Variants in ZNG1A observed in about 807,000 individuals in gnomAD.
The protein encoded by ZNG1A is Zn regulated GTPase metalloprotein activator 1A.
At chr9:168,730 T>C in the ZNG1A span, among the ~76,000 whole-genome samples, 1 of 146,690 alleles carries the variant, frequency 6.8e-6, no homozygotes, top group South Asian at 2.2e-4. Flanking sequence ...TCATTTACTA[T>C]CCTAAAAATT....
the ZNG1A span, among the ~76,000 whole-genome samples, chr9:145,835 A>C: frequency 6.6e-6 from 1 of 151,956 alleles, no homozygotes; most frequent in Non-Finnish European, 1.5e-5. Context: ...AAAGAGTATT[A>C]GACATAGTGT....
the ZNG1A span, among the ~76,000 whole-genome samples, chr9:145,519 A>G: frequency 1.7e-3 from 214 of 126,598 alleles, 7 homozygotes; most frequent in East Asian, 0.05. Context: ...GGACACAGGA[A>G]GGGGAACATC....
chr9:173,520 T>C, the ZNG1A span: 1 of 1,479,712 alleles, frequency 6.8e-7, no homozygotes, highest in Non-Finnish European at 9.1e-7. Flanking sequence ...GATATCTAAA[T>C]TACAGTACAC....
chr9:166,688 C>T, the ZNG1A span: 42 of 152,590 alleles, frequency 2.8e-4, no homozygotes, highest in African/African-American at 9.4e-4. Flanking sequence ...GATGAAAATG[C>T]GTTTGTAGCG....
At chr9:168,384 C>G in the ZNG1A span, among the ~76,000 whole-genome samples, 4,842 of 151,878 alleles carry the variant, frequency 0.032, 237 homozygotes, top group African/African-American at 0.11. Context: ...TCCCAAGTAA[C>G]TGGGATTACA....
At chr9:136,076 G>C in the ZNG1A span, among the ~76,000 whole-genome samples, 1 of 76,060 alleles carries the variant, frequency 1.3e-5, no homozygotes, top group African/African-American at 3.8e-5. Flanking sequence ...GTTGGACAAT[G>C]ACTGCCTAGA....
chr9:149,801 T>TA, the ZNG1A span, among the ~76,000 whole-genome samples: 9 of 149,904 alleles, frequency 6.0e-5, no homozygotes, highest in South Asian at 1.9e-3. Context: ...CTTACATTTC[T>TA]AAAAATTAAG....
At chr9:145,925 A>G in the ZNG1A span, among the ~76,000 whole-genome samples, 1 of 150,954 alleles carries the variant, frequency 6.6e-6, no homozygotes, top group South Asian at 2.1e-4. Flanking sequence ...ATGCAATATG[A>G]TTTCCAAACA....
the ZNG1A span, among the ~76,000 whole-genome samples, chr9:165,310 T>G: frequency 9.2e-5 from 14 of 151,620 alleles, no homozygotes; most frequent in Non-Finnish European, 1.8e-4. Context: ...ATTTTGTAAT[T>G]TTTAAAAATT....
chr9:175,261 C>T, the ZNG1A span, among the ~76,000 whole-genome samples: 1 of 151,850 alleles, frequency 6.6e-6, no homozygotes, highest in African/African-American at 2.4e-5. Context: ...GCCTGTAGTC[C>T]CAGCTACTCA....
the ZNG1A span, among the ~76,000 whole-genome samples, chr9:123,929 G>A: frequency 1.6e-4 from 24 of 152,074 alleles, no homozygotes; most frequent in Non-Finnish European, 2.8e-4. Flanking sequence ...AAAAAAATAA[G>A]CTACCCAGAG....
chr9:171,086 A>G, the ZNG1A span, among the ~76,000 whole-genome samples: 1 of 151,978 alleles, frequency 6.6e-6, no homozygotes, highest in Admixed American at 6.6e-5. Context: ...TCCTATCATC[A>G]GTCAGATTTA....
At chr9:140,293 TC>T in the ZNG1A span, among the ~76,000 whole-genome samples, 1 of 151,742 alleles carries the variant, frequency 6.6e-6, no homozygotes, top group African/African-American at 2.4e-5. Context: ...GCAGTGGTTC[TC>T]CCAGCACGCA....
the ZNG1A span, among the ~76,000 whole-genome samples, chr9:174,118 G>T: frequency 1.3e-5 from 2 of 148,226 alleles, no homozygotes; most frequent in African/African-American, 5.1e-5. Flanking sequence ...CTGCACTCCA[G>T]CCTGGGCAAC....
the ZNG1A span, chr9:121,282 T>C: frequency 2.4e-6 from 2 of 832,184 alleles, no homozygotes; most frequent in Non-Finnish European, 3.7e-6. Flanking sequence ...GGATATTATA[T>C]ATAACTGTAT....
chr9:145,554 G>GGC, the ZNG1A span, among the ~76,000 whole-genome samples: 2 of 99,132 alleles, frequency 2.0e-5, no homozygotes, highest in Non-Finnish European at 4.0e-5. Context: ...GTTGTGGGGT[G>GGC]GGGGGAGGGG....
the ZNG1A span, chr9:161,450 A>C: frequency 1.9e-6 from 1 of 531,560 alleles, no homozygotes; most frequent in East Asian, 7.0e-5. Flanking sequence ...CCTGGGCAAC[A>C]GAGTGAGACT....
the ZNG1A span, among the ~76,000 whole-genome samples, chr9:145,865 G>A: frequency 1.3e-5 from 2 of 151,636 alleles, no homozygotes; most frequent in African/African-American, 2.4e-5. Flanking sequence ...AAGTGTTAAC[G>A]ATTAGCCTCT....
chr9:161,167 CTT>C, the ZNG1A span, among the ~76,000 whole-genome samples: 1 of 152,258 alleles, frequency 6.6e-6, no homozygotes, highest in Admixed American at 6.5e-5. Context: ...AAAAAGCAAA[CTT>C]AAACATTAAC....
Sources: allele counts gnomAD v4.1 joint callset (sites outside exome capture counted in the v4.1 genomes callset), GRCh38; gene constraint gnomAD v4.1.1; transcripts MANE v1.5; gene names NCBI Gene and HGNC (gene_info 2026-07-23, HGNC 2026-07-21).